The following SYNE3 variants were observed in gnomAD, a reference collection of about 807,000 sequenced individuals.
The protein encoded by SYNE3 is nesprin-3.
In SYNE3, 100 loss-of-function variants were observed where a neutral mutation model predicts 111.2. The observed-to-expected ratio is 0.90, with a 90% CI of 0.77 to 1.06. The LOEUF is 1.06. Among genes scored for constraint, SYNE3 ranks in the 50% least tolerant of loss-of-function variants. The probability of loss-of-function intolerance (pLI) is 0.00; values close to 1 mark genes in which losing one functional copy is unlikely to be tolerated. For missense variants in SYNE3, 1,160 were observed against 1,240.3 expected (o/e 0.94, Z 0.97); for synonymous variants, 547 against 533.9 (o/e 1.02, Z -0.34).
At chr14:95,425,107 GT>G (rs796775034) in intron 17 of SYNE3, among the ~76,000 whole-genome samples, 7 of 152,284 alleles carry the variant, frequency 4.6e-5, no homozygotes, top group South Asian at 2.1e-4. Flanking sequence ...TTAGCCTGGT[GT>G]GATGGTGGGC....
chr14:95,482,003 C>A (rs1052046751), intron 1 of SYNE3, among the ~76,000 whole-genome samples: 51 of 152,214 alleles, frequency 3.4e-4, no homozygotes, highest in African/African-American at 1.2e-3. Flanking sequence ...CTTCCCCTTC[C>A]CCGGCTCTCC....
Position 95,439,700 on chromosome 14 carries a change from GAGA to G in SYNE3, c.2155_2157del (p.Ser719del). The G allele has an allele frequency of 6.2e-7, 1 of 1,614,152 alleles. No homozygotes were observed. The highest frequency in any genetic ancestry group is 8.5e-7 in the Non-Finnish European group (1 of 1,180,020). On this transcript the variant is annotated inframe_deletion, in exon 13 of 18. Transcript: ENST00000682763. The stretch of plus-strand genomic sequence containing the variant: ...TCCTGCACCACGGCAGCACCCTCCG[GAGA>G]AGACTTCTCCATCACCAGCCAGCCC...
chr14:95,452,183 G>A (rs2139428371), intron 7 of SYNE3, 64 bp downstream of exon 7: 2 of 1,486,322 alleles, frequency 1.3e-6, no homozygotes, highest in African/African-American at 1.4e-5. Context: ...CCCGCCTTCT[G>A]GAGATGGGGA....
intron 1 of SYNE3, among the ~76,000 whole-genome samples, chr14:95,511,339 G>C (rs1475199683): frequency 6.6e-6 from 1 of 152,180 alleles, no homozygotes; most frequent in Non-Finnish European, 1.5e-5. Flanking sequence ...GGATGTTTCT[G>C]TTCATGTAAG....
intron 17 of SYNE3, among the ~76,000 whole-genome samples, chr14:95,425,870 A>G (rs996851450): frequency 6.6e-6 from 1 of 152,262 alleles, no homozygotes; most frequent in Non-Finnish European, 1.5e-5. Flanking sequence ...TGTTATCAAC[A>G]CTGACCTAGA....
At chr14:95,492,928 G>GT (rs1356046087) in intron 1 of SYNE3, among the ~76,000 whole-genome samples, 1 of 152,112 alleles carries the variant, frequency 6.6e-6, no homozygotes, top group Non-Finnish European at 1.5e-5. Context: ...CAATAAAGCT[G>GT]TTTTTTAAAA....
At chr14:95,464,372 T>C (rs1301395522) in intron 4 of SYNE3, among the ~76,000 whole-genome samples, 1 of 152,126 alleles carries the variant, frequency 6.6e-6, no homozygotes, top group African/African-American at 2.4e-5. Flanking sequence ...AGTGAGACTT[T>C]GGGCTCAGAG....
chr14:95,460,095 C>G (rs576031695), intron 4 of SYNE3, among the ~76,000 whole-genome samples: 1 of 152,180 alleles, frequency 6.6e-6, no homozygotes, highest in Admixed American at 6.5e-5. Context: ...GAACAAGACC[C>G]TGTCTCAAAA....
intron 2 of SYNE3, among the ~76,000 whole-genome samples, chr14:95,475,046 C>G (rs74080789): frequency 0.022 from 3,368 of 152,346 alleles, 139 homozygotes; most frequent in African/African-American, 0.075. Flanking sequence ...ATAACTCCGG[C>G]CTCCGACTCT....
chr14:95,483,308 C>T (rs1475236618), intron 1 of SYNE3, among the ~76,000 whole-genome samples: 1 of 152,186 alleles, frequency 6.6e-6, no homozygotes, highest in Non-Finnish European at 1.5e-5. Context: ...TCAAGCTGGC[C>T]GGGGCCGCCC....
At chr14:95,447,828 C>T (rs1364362430) in intron 8 of SYNE3, among the ~76,000 whole-genome samples, 1 of 152,198 alleles carries the variant, frequency 6.6e-6, no homozygotes, top group Non-Finnish European at 1.5e-5. Flanking sequence ...TCAGTTTCCT[C>T]TTTTGTCAAA....
intron 7 of SYNE3, 95 bp from the exon 8 acceptor site, chr14:95,450,200 T>C: frequency 1.4e-6 from 2 of 1,419,198 alleles, no homozygotes; most frequent in South Asian, 2.8e-5. Context: ...AGGCCCAGCA[T>C]GCACTGCTCC....
At position 95,516,428 on chromosome 14, in the gene SYNE3, GCCCCCGC is replaced by G. The variant is rs1303253716; in HGVS notation, c.-15+161_-15+167del. Among the ~76,000 whole-genome samples, 59 of 152,186 alleles carry G rather than the reference GCCCCCGC, an allele frequency of 3.9e-4. No individual in the cohort carries two copies. In the South Asian group the frequency reaches 0.012, roughly 31 times the overall value. ...GCCCGCCCGCAGCTGTCACGCCGGG[GCCCCCGC>G]CCCCGCGCCGGGCGCGCCTCCCCAG... is the stretch of plus-strand genomic sequence containing the variant. On this transcript the variant is annotated intron_variant, in intron 1 of 17. Coordinates refer to ENST00000682763, the MANE Select transcript of SYNE3 (RefSeq NM_152592.6).
intron 1 of SYNE3, among the ~76,000 whole-genome samples, chr14:95,507,057 G>A (rs1455590809): frequency 6.6e-6 from 1 of 152,224 alleles, no homozygotes; most frequent in African/African-American, 2.4e-5. Flanking sequence ...CATCCAGCGA[G>A]GCGAGGAGCG....
In SYNE3 at chr14:95,485,489, C is replaced by T. The variant is rs77567422; in HGVS notation, c.-14-9654G>A. ...TAAACTGAGAGAGTCGGCTGCTCCC[C>T]GACCAAAGACAGGACGCCCTAACCT... On this transcript the variant is annotated intron_variant, in intron 1 of 17. Transcript: ENST00000682763. This position sits in a 1 kb window ranked among gnomAD's most constrained non-coding sequence, Gnocchi z 4.3. Among the ~76,000 whole-genome samples, 2 of 152,130 alleles carry T rather than the reference C, an allele frequency of 1.3e-5. No individual in the cohort carries two copies. The highest frequency in any genetic ancestry group is 4.8e-5 in the African/African-American group (2 of 41,416).
chr14:95,473,797 T>C (rs574108981), intron 2 of SYNE3, among the ~76,000 whole-genome samples: 1 of 139,224 alleles, frequency 7.2e-6, no homozygotes, highest in Non-Finnish European at 1.6e-5. Context: ...TTGGGAGGTA[T>C]GACAGTGGCT....
Position 95,443,286 on chromosome 14 carries a change from G to A in SYNE3, c.1780C>T (p.Leu594=). The A allele has an allele frequency of 6.2e-7, 1 of 1,614,166 alleles. No individual in the cohort carries two copies. The highest frequency in any genetic ancestry group is 8.5e-7 in the Non-Finnish European group (1 of 1,180,004). ...KQAQLSRLQG[L]QEEGLDLGAQ... is the part of the protein sequence containing the mutation. ...CCCAAGTCCAGCCCCTCTTCCTGCAGCCCCTGCAGTAGAGAAGGGAACAGG... is the reference window on the plus strand; with the variant it reads ...CCCAAGTCCAGCCCCTCTTCCTGCAACCCCTGCAGTAGAGAAGGGAACAGG... The change falls in exon 11 of 18, where the codon CTG becomes TTG. Residue 594 remains leucine, a synonymous_variant. Transcript: ENST00000682763.
At chr14:95,433,874 C>T (rs1885932136) in intron 15 of SYNE3, among the ~76,000 whole-genome samples, 1 of 152,056 alleles carries the variant, frequency 6.6e-6, no homozygotes, top group South Asian at 2.1e-4. Context: ...TGTGATGGGG[C>T]AGTAGGAGCG....
At chr14:95,435,093 T>A (rs917624380) in intron 15 of SYNE3, among the ~76,000 whole-genome samples, 3 of 152,180 alleles carry the variant, frequency 2.0e-5, no homozygotes, top group Admixed American at 6.5e-5. Flanking sequence ...ATAAAATGCC[T>A]TGAGATGTTA....
Sources: gnomAD v4.1 joint callset for allele counts (sites outside exome capture counted in the v4.1 genomes callset) on GRCh38, gnomAD v4.1.1 for gene constraint, Gnocchi (gnomAD v3.1) non-coding constraint, MANE v1.5 for transcripts, NCBI Gene and HGNC (gene_info 2026-07-23, HGNC 2026-07-21) for gene names.